Variants in OR10A2 observed in about 807,000 individuals in gnomAD.
OR10A2 encodes olfactory receptor family 10 subfamily A member 2.
A neutral mutation model predicts 13.7 loss-of-function variants in OR10A2; 15 were observed. That is an observed-to-expected ratio of 1.10 (90% CI 0.73 to 1.69). OR10A2 has a LOEUF of 1.69. Among genes scored for constraint, OR10A2 ranks in the 40% most tolerant of loss-of-function variants. OR10A2 has a pLI of 0.00. For synonymous variants in OR10A2, 145 were observed against 144.7 expected, an observed-to-expected ratio of 1.00 and a Z score of -0.02; for missense variants, 343 against 361.1, an observed-to-expected ratio of 0.95 and a Z score of 0.41.
rs868039875 is a variant in OR10A2, at chr11:6,873,427, G to C, written c.*2761G>C. 1 of 152,220 alleles carries C rather than the reference G, an allele frequency of 6.6e-6. No homozygotes were observed. The highest frequency in any genetic ancestry group is 1.5e-5 in the Non-Finnish European group (1 of 68,040). The allele number at this position is 152,220 out of a possible 1,614,324, so 9.4% of individuals were successfully genotyped here. A position where few individuals can be genotyped will look rare whatever the true frequency, so the allele number is the denominator to read the frequency against. The stretch of plus-strand genomic sequence containing the variant: ...TGATGCTGAGACAATTTGTACTGGG[G>C]TAGGGGGTAGTCCTTAGTATGGGTA... On this transcript the variant is annotated 3_prime_UTR_variant, in exon 2 of 2. Coordinates refer to ENST00000641461, the MANE Select transcript of OR10A2 (RefSeq NM_001004460.2).
Position 6,869,671 on chromosome 11 carries a change from A to G in OR10A2, c.-84A>G. 1 of 1,154,144 alleles carries G rather than the reference A, an allele frequency of 8.7e-7. No individual in the cohort carries two copies. Among genetic ancestry groups the G allele is most frequent in the Non-Finnish European group, 1.3e-6 (1 of 792,474 alleles). 71.5% of individuals were successfully genotyped at this position (1,154,144 alleles called of 1,614,324 possible). A position where few individuals can be genotyped will look rare whatever the true frequency, so the allele number is the denominator to read the frequency against. On this transcript the variant is annotated 5_prime_UTR_variant, in exon 2 of 2. An upstream open reading frame in the 5' UTR loses its in-frame stop. Transcript: ENST00000641461. ...TTGAGAATCTGACTTCCAATCAATA[A>G]TCTTTCTCCATGACCACAGTTGGGG...
intron 1 of OR10A2, among the ~76,000 whole-genome samples, chr11:6,867,530 T>C (rs1022373885): frequency 6.6e-6 from 1 of 151,964 alleles, no homozygotes. Context: ...CAATATTTTA[T>C]AGGGCTTTGT....
intron 1 of OR10A2, among the ~76,000 whole-genome samples, chr11:6,867,798 G>A (rs1246496405): frequency 6.6e-6 from 1 of 151,882 alleles, no homozygotes; most frequent in Non-Finnish European, 1.5e-5. Context: ...CACCCAGGCT[G>A]GAGTGCAGTG....
Position 6,863,405 on chromosome 11 carries a change from C to T in OR10A2, c.-133+54C>T, listed in dbSNP as rs1370606947. On this transcript the variant is annotated intron_variant, in intron 1 of 1. Transcript: ENST00000641461. The stretch of plus-strand genomic sequence containing the variant: ...TTTTTCCACCAAGGACTGAATCTAC[C>T]AGAGGCCACTCTCCAAGTTCAGTTA... 4 of 135,856 alleles carry T rather than the reference C, an allele frequency of 2.9e-5. No homozygotes were observed. In the East Asian group the frequency reaches 9.3e-4, roughly 32 times the overall value. The allele number at this position is 135,856 out of a possible 1,614,324, so 8.4% of individuals were successfully genotyped here.
At chr11:6,866,003 T>G (rs144500652) in intron 1 of OR10A2, among the ~76,000 whole-genome samples, 2 of 152,336 alleles carry the variant, frequency 1.3e-5, no homozygotes, top group African/African-American at 4.8e-5. Flanking sequence ...GTTATGTAAG[T>G]GGAATAATAA....
Position 6,873,628 on chromosome 11 carries a change from C to T in OR10A2, c.*2962C>T, listed in dbSNP as rs766960197. On this transcript the variant is annotated 3_prime_UTR_variant, in exon 2 of 2. Coordinates refer to ENST00000641461, the MANE Select transcript of OR10A2 (RefSeq NM_001004460.2). ...TTTTGTGTCACTGAAAAATCAGCTA[C>T]ACTGGGGATTTGAAACTGGAAAAAT... 4 of 152,166 alleles carry T rather than the reference C, an allele frequency of 2.6e-5. No individual in the cohort carries two copies. Among genetic ancestry groups the T allele is most frequent in the Non-Finnish European group, 5.9e-5 (4 of 68,036 alleles). The allele number at this position is 152,166 out of a possible 1,614,324, so 9.4% of individuals were successfully genotyped here.
In OR10A2 at chr11:6,870,884, T is replaced by C; in HGVS notation, c.*218T>C. On this transcript the variant is annotated 3_prime_UTR_variant, in exon 2 of 2. Transcript: ENST00000641461. ...GCCTGCCCATTGTAGACTTACATTG[T>C]TTTCCTTGTTTCAACTGGTATGACA... 1 of 441,634 alleles carries C rather than the reference T, an allele frequency of 2.3e-6. No individual in the cohort carries two copies. The highest frequency in any genetic ancestry group is 2.0e-5 in the African/African-American group (1 of 51,068). The allele number at this position is 441,634 out of a possible 1,614,324, so 27.4% of individuals were successfully genotyped here. A position where few individuals can be genotyped will look rare whatever the true frequency, so the allele number is the denominator to read the frequency against.
At chr11:6,865,537 TA>T (rs1564919989) in intron 1 of OR10A2, among the ~76,000 whole-genome samples, 2 of 152,194 alleles carry the variant, frequency 1.3e-5, no homozygotes, top group Admixed American at 1.3e-4. Context: ...CTATGCTTAC[TA>T]AATATTCACA....
At chr11:6,868,104 T>C (rs1848394219) in intron 1 of OR10A2, among the ~76,000 whole-genome samples, 1 of 152,210 alleles carries the variant, frequency 6.6e-6, no homozygotes, top group South Asian at 2.1e-4. Context: ...TTGGTTCTTT[T>C]ATTATTTTTT....
chr11:6,873,297 G>A lies in OR10A2; in HGVS notation c.*2631G>A, dbSNP rs1332944352. On this transcript the variant is annotated 3_prime_UTR_variant, in exon 2 of 2. Coordinates refer to ENST00000641461, the MANE Select transcript of OR10A2 (RefSeq NM_001004460.2). ...CCAGAGAGACAATGTAGACTGCCCA[G>A]GCAGGCAGCTCATTGAGGCTGGAGG... 2 of 152,222 alleles carry A rather than the reference G, an allele frequency of 1.3e-5. No homozygotes were observed. The highest frequency in any genetic ancestry group is 4.8e-5 in the African/African-American group (2 of 41,452). 9.4% of individuals were successfully genotyped at this position (152,222 alleles called of 1,614,324 possible).
At position 6,870,477 on chromosome 11, in the gene OR10A2, A is replaced by T. The variant is rs371007239; in HGVS notation, c.723A>T (p.Ser241=). The T allele has an allele frequency of 1.9e-6, 3 of 1,614,008 alleles. No homozygotes were observed. Among genetic ancestry groups the T allele is most frequent in the South Asian group, 1.1e-5 (1 of 91,086 alleles). Reference sequence around the variant, plus strand: ...TTGTTGTCTCTCTTTTCTATATATCATTAAGCCTCACCTACTTCCGGCCTA... The same window carrying T: ...TTGTTGTCTCTCTTTTCTATATATCTTTAAGCCTCACCTACTTCCGGCCTA... ...HLLVVSLFYI[S]LSLTYFRPKS... Residue 241 remains serine (S), a synonymous_variant, in exon 2 of 2, where the codon TCA becomes TCT. Transcript: ENST00000641461.
chr11:6,867,501 C>T (rs140926655), intron 1 of OR10A2, among the ~76,000 whole-genome samples: 103 of 152,220 alleles, frequency 6.8e-4, no homozygotes, highest in African/African-American at 2.1e-3. Context: ...CATGAGCCAC[C>T]GTGCCTGGCC....
At position 6,870,654 on chromosome 11, in the gene OR10A2, C is replaced by G; in HGVS notation, c.900C>G (p.Asn300Lys). Residue 300 changes from asparagine to lysine, a missense_variant, in exon 2 of 2, where the codon AAC (asparagine) becomes AAG (lysine). By Grantham distance (94) the Asn-to-Lys change is moderately conservative. Coordinates refer to ENST00000641461, the MANE Select transcript of OR10A2 (RefSeq NM_001004460.2). ...RTVSKALALRNCIP is the reference protein window; with the variant it reads ...RTVSKALALRKCIP The stretch of plus-strand genomic sequence containing the variant: ...TCTCTAAGGCCCTAGCCCTCAGAAA[C>G]TGTATCCCATAGACCTTAGGAAGTA... 6.3e-7 allele frequency: 1 copy of G among 1,580,772 alleles called. No individual in the cohort carries two copies. Among genetic ancestry groups the G allele is most frequent in the Non-Finnish European group, 8.6e-7 (1 of 1,165,634 alleles).
chr11:6,870,039 A>G lies in OR10A2; in HGVS notation c.285A>G (p.Gly95=), dbSNP rs1304822942. The change falls in exon 2 of 2, where the codon GGA becomes GGG. Residue 95 remains glycine, a synonymous_variant. Coordinates refer to ENST00000641461, the MANE Select transcript of OR10A2 (RefSeq NM_001004460.2). The part of the protein sequence containing the change: ...ATQMYFFFFF[G]VAECFLLATM... ...AGATGTATTTCTTCTTCTTCTTTGGAGTGGCTGAATGCTTCCTCCTGGCTA... is the reference window on the plus strand; with the variant it reads ...AGATGTATTTCTTCTTCTTCTTTGGGGTGGCTGAATGCTTCCTCCTGGCTA... The G allele has an allele frequency of 4.5e-5, 72 of 1,614,040 alleles. 1 individual carries two copies. Among genetic ancestry groups the G allele is most frequent in the South Asian group, 1.8e-4 (16 of 91,064 alleles).
chr11:6,865,037 G>T (rs1281196977), intron 1 of OR10A2, among the ~76,000 whole-genome samples: 1 of 138,452 alleles, frequency 7.2e-6, no homozygotes, highest in Non-Finnish European at 1.6e-5. Flanking sequence ...ATATATAAAT[G>T]AACATTTATG....
rs971639167 is a variant in OR10A2 at position 6,864,919 on chromosome 11, T to A, written c.-133+1568T>A. ...TTCCATATAATTACAAAATTTCTTA[T>A]ATATATAAATATATATTTATACTCA... On this transcript the variant is annotated intron_variant, in intron 1 of 1. Coordinates refer to ENST00000641461, the MANE Select transcript of OR10A2 (RefSeq NM_001004460.2). 2.7e-5 allele frequency among the ~76,000 whole-genome samples: 4 copies of A among 147,258 alleles called. No homozygotes were observed. In the Admixed American group the frequency reaches 2.7e-4, roughly 10 times the overall value.
chr11:6,874,089 T>C lies in OR10A2; in HGVS notation c.*3423T>C, dbSNP rs1159733848. On this transcript the variant is annotated 3_prime_UTR_variant, in exon 2 of 2. Coordinates refer to ENST00000641461, the MANE Select transcript of OR10A2 (RefSeq NM_001004460.2). ...GGAAGCAGACAAGCACATTTATATC[T>C]CTTATCATTGTTTCAGTCCGTGTGA... 6.6e-6 allele frequency: 1 copy of C among 152,234 alleles called. No individual in the cohort carries two copies. Among genetic ancestry groups the C allele is most frequent in the Non-Finnish European group, 1.5e-5 (1 of 68,052 alleles). The allele number at this position is 152,234 out of a possible 1,614,324, so 9.4% of individuals were successfully genotyped here.
Position 6,869,835 on chromosome 11 carries a change from G to A in OR10A2, c.81G>A (p.Met27Ile), listed in dbSNP as rs905406327. 1 of 1,614,102 alleles carries A rather than the reference G, an allele frequency of 6.2e-7. No individual in the cohort carries two copies. The highest frequency in any genetic ancestry group is 8.5e-7 in the Non-Finnish European group (1 of 1,179,998). ...TFLTIYLVTL[M>I]GNCLIILVTL... ...TAACCATCTACCTGGTCACCCTGAT[G>A]GGAAACTGCCTCATCATTCTGGTTA... The change falls in exon 2 of 2, where the codon ATG (methionine) becomes ATA (isoleucine). Residue 27 changes from methionine to isoleucine, a missense_variant. Coordinates refer to ENST00000641461, the MANE Select transcript of OR10A2 (RefSeq NM_001004460.2).
rs190656630 is a variant in OR10A2 at position 6,873,922 on chromosome 11, T to G, written c.*3256T>G. On this transcript the variant is annotated 3_prime_UTR_variant, in exon 2 of 2. Coordinates refer to ENST00000641461, the MANE Select transcript of OR10A2 (RefSeq NM_001004460.2). ...GCAGTGGTGGTAGAGCTGGAGAAGG[T>G]GACACTGAATTAGTGTTTAGGAGTA... The G allele has an allele frequency of 1.4e-4, 21 of 152,192 alleles. No homozygotes were observed. Among genetic ancestry groups the G allele is most frequent in the Admixed American group, 1.3e-3 (20 of 15,286 alleles). 9.4% of individuals were successfully genotyped at this position (152,192 alleles called of 1,614,324 possible).
Sources: gnomAD v4.1 joint callset for allele counts (sites outside exome capture counted in the v4.1 genomes callset) on GRCh38, gnomAD v4.1.1 for gene constraint, MANE v1.5 for transcripts, NCBI Gene and HGNC (gene_info 2026-07-23, HGNC 2026-07-21) for gene names.